CROCC: variants seen among roughly 807,000 people sequenced by gnomAD.
CROCC encodes rootletin.
A neutral mutation model predicts 245.2 loss-of-function variants in CROCC; 180 were observed. The ratio of observed to expected loss-of-function variants is 0.73; its 90% CI spans 0.65 to 0.83. The LOEUF is 0.83. Among genes scored for constraint, CROCC ranks in the 40% least tolerant of loss-of-function variants. The probability of loss-of-function intolerance (pLI) is 0.00; values close to 1 mark genes in which losing one functional copy is unlikely to be tolerated. For missense variants in CROCC, 2,688 were observed against 2,779.4 expected (o/e 0.97, Z 0.74); for synonymous variants, 1,205 against 1,241.6 (o/e 0.97, Z 0.62).
chr1:16,952,934 C>A (rs1458536751), intron 20 of CROCC: 6 of 211,822 alleles, frequency 2.8e-5, no homozygotes, highest in Admixed American at 1.5e-4. Context: ...TGGCCCCACC[C>A]CTGCCTGGGG....
chr1:16,955,910 C>A, intron 24 of CROCC, 87 bp from the exon 25 acceptor site: 1 of 1,491,022 alleles, frequency 6.7e-7, no homozygotes, highest in Non-Finnish European at 9.1e-7. Flanking sequence ...GCCTGATCCA[C>A]TCCAGAAATT....
rs1346332009 is a variant in CROCC, at chr1:16,971,665, G to A, written c.5967+18G>A. 6.8e-7 allele frequency: 1 copy of A among 1,466,666 alleles called. No individual in the cohort carries two copies. The highest frequency in any genetic ancestry group is 2.5e-5 in the East Asian group (1 of 39,560). The allele number at this position is 1,466,666 out of a possible 1,614,324, so 90.9% of individuals were successfully genotyped here. A position where few individuals can be genotyped will look rare whatever the true frequency, so the allele number is the denominator to read the frequency against. On this transcript the variant is annotated intron_variant, in intron 36 of 36. Coordinates refer to ENST00000375541, the MANE Select transcript of CROCC (RefSeq NM_014675.5). ...AGGAGCAGGTGTGCAGGCCCCCTTA[G>A]AAGGCTGGGCCAGGATGGATGTGTG...
intron 3 of CROCC, among the ~76,000 whole-genome samples, chr1:16,925,023 A>T (rs1263851748): frequency 6.6e-6 from 1 of 152,294 alleles, no homozygotes; most frequent in African/African-American, 2.4e-5. Flanking sequence ...CAGGATTCAC[A>T]TCACCCGTGC....
In CROCC at chr1:16,954,888, G is replaced by T. The variant is rs931338612; in HGVS notation, c.3465+11G>T. On this transcript the variant is annotated intron_variant, in intron 23 of 36. Transcript: ENST00000375541. This position sits in a 1 kb window ranked among gnomAD's most constrained non-coding sequence, Gnocchi z 4.4. ...TCCTGTCTTCGCGAGGTGAGCAGCC[G>T]CCCCCCTCTTCCAAGCAGCATACCC... 1.3e-6 allele frequency: 2 copies of T among 1,516,902 alleles called. No homozygotes were observed. The highest frequency in any genetic ancestry group is 2.0e-5 in the Admixed American group (1 of 49,012). 94.0% of individuals were successfully genotyped at this position (1,516,902 alleles called of 1,614,324 possible). A position where few individuals can be genotyped will look rare whatever the true frequency, so the allele number is the denominator to read the frequency against.
chr1:16,936,965 G>C, intron 9 of CROCC, 92 bp downstream of exon 9: 1 of 1,314,064 alleles, frequency 7.6e-7, no homozygotes, highest in Non-Finnish European at 1.1e-6. Context: ...TTCACTAGGG[G>C]AAGGGCCTTC....
intron 2 of CROCC, among the ~76,000 whole-genome samples, chr1:16,923,595 C>T (rs1557573846): frequency 6.6e-6 from 1 of 152,170 alleles, no homozygotes. Flanking sequence ...TGAGCCCTAG[C>T]CTTTAAAGTT....
rs3969856 is a variant in CROCC at position 16,951,078 on chromosome 1, C to T, written c.2962C>T (p.Arg988Trp). Residue 988 changes from arginine (R) to tryptophan (W), a missense_variant, in exon 20 of 37, where the codon CGG becomes TGG. Transcript: ENST00000375541. ...REAQASLREQ[R>W]AAHEEDLQRL... The stretch of plus-strand genomic sequence containing the variant: ...GGCCCAGGCCTCTCTGCGGGAGCAG[C>T]GGGCAGCTCACGAGGAGGACTTACA... 46 of 1,593,992 alleles carry T rather than the reference C, an allele frequency of 2.9e-5. No homozygotes were observed. The highest frequency in any genetic ancestry group is 4.0e-5 in the African/African-American group (3 of 74,104).
intron 35 of CROCC, 75 bp from the exon 36 acceptor site, chr1:16,971,390 T>A (rs997488228): frequency 5.5e-6 from 8 of 1,445,732 alleles, no homozygotes; most frequent in Non-Finnish European, 7.3e-6. Context: ...CCCAGGGAGG[T>A]ACCTGACAAC....
Position 16,972,593 on chromosome 1 carries a change from G to T in CROCC, c.*147G>T. ...GCGCTCTGCTGGCAGTGCTGAGGACGGGTACTCCAGCTCCAGGCCTGGAGA... is the reference window on the plus strand; with the variant it reads ...GCGCTCTGCTGGCAGTGCTGAGGACTGGTACTCCAGCTCCAGGCCTGGAGA... On this transcript the variant is annotated 3_prime_UTR_variant, in exon 37 of 37. Transcript: ENST00000375541. 1.8e-6 allele frequency: 1 copy of T among 567,512 alleles called. No individual in the cohort carries two copies. Among genetic ancestry groups the T allele is most frequent in the Middle Eastern group, 4.6e-4 (1 of 2,172 alleles). 35.2% of individuals were successfully genotyped at this position (567,512 alleles called of 1,614,324 possible).
intron 9 of CROCC, among the ~76,000 whole-genome samples, chr1:16,937,359 A>AC (rs1392207397): frequency 1.3e-5 from 2 of 152,102 alleles, no homozygotes; most frequent in East Asian, 3.8e-4. Flanking sequence ...TCTCAAAAAA[A>AC]AAAAAACAAA....
rs543855526 is a variant in CROCC, at chr1:16,953,279, G to C, written c.3007-23G>C. 2.0e-4 allele frequency: 307 copies of C among 1,556,700 alleles called. 1 individual carries two copies. Among genetic ancestry groups the C allele is most frequent in the Middle Eastern group, 4.6e-4 (2 of 4,364 alleles). On this transcript the variant is annotated intron_variant, in intron 20 of 36. Transcript: ENST00000375541. ...CTGGGCCCCCTCCTGGTGTGTCACA[G>C]GCATCCGGTCCTGGCCCCCTAGGAG...
At chr1:16,922,174 T>G (rs1570578235) in intron 1 of CROCC, 96 bp downstream of exon 1, 1 of 1,250,736 alleles carries the variant, frequency 8.0e-7, no homozygotes, top group Non-Finnish European at 1.1e-6. Context: ...GATCAAGGGG[T>G]GGGAGAGGTG....
At chr1:16,963,227 G>T (rs1390459162) in intron 27 of CROCC, among the ~76,000 whole-genome samples, 2 of 151,776 alleles carry the variant, frequency 1.3e-5, no homozygotes, top group African/African-American at 4.8e-5. Context: ...CAAGGTAGGG[G>T]CTAGGGCAGT....
chr1:16,969,086 C>A, intron 31 of CROCC, 30 bp from the exon 32 acceptor site: 1 of 1,569,642 alleles, frequency 6.4e-7, no homozygotes, highest in Non-Finnish European at 8.6e-7. Flanking sequence ...ATGGGAACAG[C>A]CCCGATTGTT....
chr1:16,928,727 C>T (rs1173114206), intron 3 of CROCC, among the ~76,000 whole-genome samples: 5 of 151,660 alleles, frequency 3.3e-5, no homozygotes, highest in East Asian at 3.9e-4. Flanking sequence ...CATTTGAACC[C>T]GGGAGGTGTA....
At chr1:16,919,886 C>CATTTT (rs1168336501), upstream of CROCC, among the ~76,000 whole-genome samples, 3 of 152,340 alleles carry the variant, frequency 2.0e-5, no homozygotes, top group South Asian at 6.2e-4. Flanking sequence ...GGTCTAGTCT[C>CATTTT]ATTTTATTTT....
In CROCC at chr1:16,954,583, A is replaced by C. The variant is rs1386647747; in HGVS notation, c.3322-151A>C. The C allele has an allele frequency of 8.5e-7, 1 of 1,182,248 alleles. No homozygotes were observed. Among genetic ancestry groups the C allele is most frequent in the Admixed American group, 2.8e-5 (1 of 35,804 alleles). 73.2% of individuals were successfully genotyped at this position (1,182,248 alleles called of 1,614,324 possible). ...GAGGCTGGCTACACGGGCAGCACTC[A>C]CTATGCATCCAGGGGTTGGCAGAGG... On this transcript the variant is annotated intron_variant, in intron 22 of 36. Coordinates refer to ENST00000375541, the MANE Select transcript of CROCC (RefSeq NM_014675.5). The surrounding 1 kb of genome is among the most constrained non-coding windows in gnomAD (Gnocchi z 4.4).
chr1:16,929,208 G>C (rs1180449413), intron 3 of CROCC, among the ~76,000 whole-genome samples: 1 of 152,296 alleles, frequency 6.6e-6, no homozygotes, highest in Non-Finnish European at 1.5e-5. Flanking sequence ...GTGTATATGA[G>C]GGGGTTCCTT....
At position 16,966,350 on chromosome 1, in the gene CROCC, T is replaced by C; in HGVS notation, c.4697-58T>C. The C allele has an allele frequency of 6.8e-7, 1 of 1,469,112 alleles. No homozygotes were observed. The allele number at this position is 1,469,112 out of a possible 1,614,324, so 91.0% of individuals were successfully genotyped here. On this transcript the variant is annotated intron_variant, in intron 29 of 36. Coordinates refer to ENST00000375541, the MANE Select transcript of CROCC (RefSeq NM_014675.5). The surrounding 1 kb of genome is among the most constrained non-coding windows in gnomAD (Gnocchi z 4.8). ...AGTGCAGGCTGGACATTTTGTGACC[T>C]GGTTTGGGTCTCGGGGCTGTGCTTG...
Sources: gnomAD v4.1 joint callset for allele counts (sites outside exome capture counted in the v4.1 genomes callset) on GRCh38, gnomAD v4.1.1 for gene constraint, Gnocchi (gnomAD v3.1) non-coding constraint, MANE v1.5 for transcripts, NCBI Gene and HGNC (gene_info 2026-07-23, HGNC 2026-07-21) for gene names.